Variants in ELF2 observed in about 807,000 individuals in gnomAD.
ELF2 encodes the protein E74 like ETS transcription factor 2.
In ELF2, 11 loss-of-function variants were observed where a neutral mutation model predicts 54.8. The ratio of observed to expected loss-of-function variants is 0.20; its 90% CI spans 0.13 to 0.33. The LOEUF (loss-of-function observed/expected upper bound fraction) is 0.33. Among genes scored for constraint, ELF2 ranks in the 10% least tolerant of loss-of-function variants. ELF2 has a pLI of 1.00. For missense variants in ELF2, 513 were observed against 703.0 expected, an observed-to-expected ratio of 0.73 and a Z score of 3.06; for synonymous variants, 203 against 245.1, an observed-to-expected ratio of 0.83 and a Z score of 1.61.
chr4:139,061,177 A>ATT (rs554564096), intron 8 of ELF2, among the ~76,000 whole-genome samples: 93 of 140,026 alleles, frequency 6.6e-4, no homozygotes, highest in African/African-American at 1.9e-3. Flanking sequence ...CAAACTGATA[A>ATT]TTTTTTTTTT....
At chr4:139,060,281 T>C in intron 9 of ELF2, 43 bp downstream of exon 9, 3 of 1,480,754 alleles carry the variant, frequency 2.0e-6, no homozygotes, top group Non-Finnish European at 1.8e-6. Context: ...GGAGACTTTT[T>C]TAAAAAGTAA....
intron 7 of ELF2, among the ~76,000 whole-genome samples, chr4:139,065,337 C>T (rs747354082): frequency 6.6e-6 from 1 of 152,080 alleles, no homozygotes; most frequent in African/African-American, 2.4e-5. Context: ...ATTAGCCAGA[C>T]ACGGTGGTAT....
intron 4 of ELF2, chr4:139,115,337 G>A (rs1355251393): frequency 1.3e-5 from 18 of 1,417,610 alleles, no homozygotes; most frequent in Middle Eastern, 2.6e-4. Flanking sequence ...GGCCGGGGTC[G>A]CCAACGCCGC....
intron 4 of ELF2, among the ~76,000 whole-genome samples, chr4:139,124,612 T>C (rs1282525941): frequency 6.6e-6 from 1 of 152,216 alleles, no homozygotes; most frequent in Non-Finnish European, 1.5e-5. Context: ...CTAAGAATTA[T>C]AGATACTAAT....
chr4:139,113,640 A>G (rs2148813440), intron 4 of ELF2, among the ~76,000 whole-genome samples: 1 of 152,226 alleles, frequency 6.6e-6, no homozygotes, highest in East Asian at 1.9e-4. Context: ...GAGTCACTTG[A>G]TGTCAGGAGT....
intron 4 of ELF2, among the ~76,000 whole-genome samples, chr4:139,092,891 T>A (rs1464410147): frequency 6.6e-6 from 1 of 151,782 alleles, no homozygotes; most frequent in African/African-American, 2.4e-5. Context: ...ATGAAACATA[T>A]AAACTACTAG....
rs1338819082 is a variant in ELF2 at position 139,125,094 on chromosome 4, T to C, written c.238+70A>G. Reference sequence around the variant, plus strand: ...AAGGTTTTTCAGTATATTTTTCATCTGGCAATAGTATTGTTGAAGCTTACA... The same window carrying C: ...AAGGTTTTTCAGTATATTTTTCATCCGGCAATAGTATTGTTGAAGCTTACA... On this transcript the variant is annotated intron_variant, in intron 4 of 9. Transcript: ENST00000686138. 5 of 1,534,026 alleles carry C rather than the reference T, an allele frequency of 3.3e-6. No homozygotes were observed. In the East Asian group the frequency reaches 1.1e-4, roughly 35 times the overall value.
chr4:139,081,167 C>T (rs1452147327), intron 4 of ELF2, among the ~76,000 whole-genome samples: 6 of 152,026 alleles, frequency 3.9e-5, no homozygotes, highest in African/African-American at 1.2e-4. Context: ...TCATATTGTC[C>T]ATGAAATTTT....
intron 1 of ELF2, among the ~76,000 whole-genome samples, chr4:139,164,087 GGA>G (rs1353820153): frequency 6.8e-6 from 1 of 147,280 alleles, no homozygotes; most frequent in African/African-American, 2.5e-5. Flanking sequence ...AAAGAGGGAG[GGA>G]GAGAGGGAGA....
intron 6 of ELF2, among the ~76,000 whole-genome samples, chr4:139,071,449 TA>T (rs1729501003): frequency 6.6e-6 from 1 of 151,966 alleles, no homozygotes; most frequent in South Asian, 2.1e-4. Context: ...CCTGGCTTTT[TA>T]AAAAATATCC....
chr4:139,100,757 T>C (rs983703628), intron 4 of ELF2: 1 of 152,234 alleles, frequency 6.6e-6, no homozygotes, highest in Non-Finnish European at 1.5e-5. Context: ...TTATCTTAAG[T>C]GCAATTAGAA....
chr4:139,106,740 C>CTT (rs35312494), intron 4 of ELF2, among the ~76,000 whole-genome samples: 11 of 93,738 alleles, frequency 1.2e-4, no homozygotes, highest in African/African-American at 3.4e-4. Context: ...AACTATATTT[C>CTT]TTTTTTTTTT....
intron 5 of ELF2, chr4:139,072,268 G>C: frequency 2.2e-6 from 1 of 445,534 alleles, no homozygotes; most frequent in Non-Finnish European, 3.9e-6. Context: ...CTCTGGGTAA[G>C]GCAAGGATCA....
intron 1 of ELF2, among the ~76,000 whole-genome samples, chr4:139,162,660 G>A (rs550147626): frequency 3.9e-5 from 6 of 152,144 alleles, no homozygotes; most frequent in Non-Finnish European, 5.9e-5. Flanking sequence ...TGTCCAGATC[G>A]TTTCCAAATA....
At chr4:139,061,361 G>C (rs917909570) in intron 8 of ELF2, among the ~76,000 whole-genome samples, 7 of 151,956 alleles carry the variant, frequency 4.6e-5, no homozygotes, top group African/African-American at 1.7e-4. Context: ...TTTTAGTAGA[G>C]ACAGGATTTC....
Position 139,114,960 on chromosome 4 carries a change from C to T in ELF2, c.238+10204G>A, listed in dbSNP as rs1735471811. 4.3e-6 allele frequency: 7 copies of T among 1,613,498 alleles called. No individual in the cohort carries two copies. In the Admixed American group the frequency reaches 6.7e-5, roughly 15 times the overall value. On this transcript the variant is annotated intron_variant, in intron 4 of 9. Transcript: ENST00000686138. The stretch of plus-strand genomic sequence containing the variant: ...TCTTCTGGGGTGTGCTCAGCTTCTG[C>T]ATGCCCCGGATCTTGTCCAGCAGAC...
At chr4:139,107,706 C>T (rs1400261761) in intron 4 of ELF2, among the ~76,000 whole-genome samples, 2 of 152,260 alleles carry the variant, frequency 1.3e-5, no homozygotes, top group African/African-American at 4.8e-5. Context: ...CTCCCTTAAT[C>T]TTCTTGTACT....
At chr4:139,121,362 C>T (rs1312061425) in intron 4 of ELF2, among the ~76,000 whole-genome samples, 1 of 151,798 alleles carries the variant, frequency 6.6e-6, no homozygotes, top group African/African-American at 2.4e-5. Context: ...CCCGCCTTGG[C>T]CTCCGAAAGT....
At chr4:139,132,449 GCA>G (rs140674057) in intron 3 of ELF2, among the ~76,000 whole-genome samples, 1 of 151,838 alleles carries the variant, frequency 6.6e-6, no homozygotes, top group Admixed American at 6.6e-5. Flanking sequence ...ACATGTGCAT[GCA>G]CACACACACA....
Sources: gnomAD v4.1 joint callset for allele counts (sites outside exome capture counted in the v4.1 genomes callset) on GRCh38, gnomAD v4.1.1 for gene constraint, MANE v1.5 for transcripts, NCBI Gene and HGNC (gene_info 2026-07-23, HGNC 2026-07-21) for gene names.